The following RBM20 variants were observed in gnomAD, a reference collection of about 807,000 sequenced individuals.
RBM20 encodes the protein RNA-binding protein 20.
RBM20 carries 51 observed loss-of-function variants against 110.1 expected under a neutral mutation model. The ratio of observed to expected loss-of-function variants is 0.46; its 90% confidence interval spans 0.37 to 0.59. The LOEUF is 0.59. Ranked by LOEUF, RBM20 falls within the 20% of genes least tolerant of loss-of-function variation. RBM20 has a pLI of 0.00. For synonymous variants in RBM20, 589 were observed against 618.2 expected, an observed-to-expected ratio of 0.95 and a Z score of 0.70; for missense variants, 1,512 against 1,574.9, an observed-to-expected ratio of 0.96 and a Z score of 0.68.
chr10:110,789,663 G>A (rs11195321), intron 5 of RBM20, among the ~76,000 whole-genome samples: 10,698 of 152,082 alleles, frequency 0.07, 426 homozygotes, highest in Non-Finnish European at 0.089. Flanking sequence ...GCCCAGGCTC[G>A]CGTGTTTATA....
At chr10:110,765,519 C>T (rs146267867) in intron 1 of RBM20, among the ~76,000 whole-genome samples, 39 of 152,184 alleles carry the variant, frequency 2.6e-4, no homozygotes, top group Non-Finnish European at 4.9e-4. Flanking sequence ...TTTTCATTGT[C>T]GCCAAGCAAG....
intron 1 of RBM20, among the ~76,000 whole-genome samples, chr10:110,659,870 T>A (rs1395224603): frequency 6.6e-6 from 1 of 151,070 alleles, no homozygotes; most frequent in African/African-American, 2.4e-5. Flanking sequence ...TTTTTTTAAT[T>A]TTTTTTTTGA....
At chr10:110,786,000 G>A (rs1180228646) in intron 5 of RBM20, among the ~76,000 whole-genome samples, 2 of 152,138 alleles carry the variant, frequency 1.3e-5, no homozygotes, top group Admixed American at 1.3e-4. Context: ...TTTGTTTTTA[G>A]TTTTGCTGTC....
At chr10:110,793,725 CACT>C (rs1410359794) in intron 5 of RBM20, among the ~76,000 whole-genome samples, 1 of 152,242 alleles carries the variant, frequency 6.6e-6, no homozygotes, top group African/African-American at 2.4e-5. Context: ...TAGAAAAGTA[CACT>C]ACTTCAGGCT....
At chr10:110,691,179 T>G (rs1564816820) in intron 1 of RBM20, among the ~76,000 whole-genome samples, 1 of 152,096 alleles carries the variant, frequency 6.6e-6, no homozygotes. Flanking sequence ...TTAGAAGGAG[T>G]GCTTTCACCA....
intron 1 of RBM20, among the ~76,000 whole-genome samples, chr10:110,664,708 C>CTGCA (rs1282456761): frequency 2.6e-5 from 4 of 152,016 alleles, no homozygotes; most frequent in Non-Finnish European, 4.4e-5. Context: ...GATGGTGCCA[C>CTGCA]TGCACTTTAG....
intron 1 of RBM20, among the ~76,000 whole-genome samples, chr10:110,653,069 A>G (rs549680467): frequency 6.6e-6 from 1 of 152,314 alleles, no homozygotes; most frequent in East Asian, 1.9e-4. Context: ...CAGATCCTTA[A>G]TAGAGGAAAA....
intron 1 of RBM20, among the ~76,000 whole-genome samples, chr10:110,656,309 G>A (rs529977840): frequency 1.1e-4 from 16 of 149,110 alleles, no homozygotes; most frequent in South Asian, 4.3e-4. Flanking sequence ...ACTCCATCTC[G>A]AAAAAAAAAA....
chr10:110,645,025 G>A (rs574462886), intron 1 of RBM20, among the ~76,000 whole-genome samples: 2 of 152,104 alleles, frequency 1.3e-5, no homozygotes, highest in Non-Finnish European at 2.9e-5. Context: ...GCGCGTGAGG[G>A]TGTGTAAGTA....
rs1257262328 is a variant in RBM20 at position 110,812,438 on chromosome 10, T to C, written c.2041T>C (p.Tyr681His). 31 of 1,551,590 alleles carry C rather than the reference T, an allele frequency of 2.0e-5. No individual in the cohort carries two copies. The highest frequency in any genetic ancestry group is 2.6e-5 in the Non-Finnish European group (30 of 1,146,964). The change falls in exon 9 of 14, where the codon TAT (tyrosine) becomes CAT (histidine). Residue 681 changes from tyrosine to histidine, a missense_variant. Around this residue, in one of 3 missense-constraint regions of RBM20, gnomAD observed 1,149 missense variants for 1,169.4 expected, o/e 0.98. Coordinates refer to ENST00000369519, the MANE Select transcript of RBM20 (RefSeq NM_001134363.3). ...CCGGGACTCCTGGGAGCACTCTCCC[T>C]ATGCCAGGAGGGAGGAAGAGCGAGA... ...NGRDSWEHSPYARREEERDPA... is the reference protein window; with the variant it reads ...NGRDSWEHSPHARREEERDPA...
At chr10:110,802,388 T>TC in intron 7 of RBM20, among the ~76,000 whole-genome samples, 1 of 147,020 alleles carries the variant, frequency 6.8e-6, no homozygotes, top group South Asian at 2.1e-4. Flanking sequence ...CCTGGCTTTT[T>TC]TTTTTTTTTT....
intron 1 of RBM20, among the ~76,000 whole-genome samples, chr10:110,764,456 T>C (rs1844052749): frequency 6.6e-6 from 1 of 152,178 alleles, no homozygotes; most frequent in Non-Finnish European, 1.5e-5. Context: ...TGGGTGTTGA[T>C]ATGTGAAGAG....
At chr10:110,824,338 A>G (rs1055130444) in intron 12 of RBM20, among the ~76,000 whole-genome samples, 4 of 152,190 alleles carry the variant, frequency 2.6e-5, no homozygotes, top group East Asian at 1.9e-4. Context: ...TCCCAGAACA[A>G]TGCTACATAT....
At chr10:110,662,634 C>A (rs1002796741) in intron 1 of RBM20, among the ~76,000 whole-genome samples, 1 of 152,184 alleles carries the variant, frequency 6.6e-6, no homozygotes, top group Admixed American at 6.5e-5. Flanking sequence ...TGTGGGTTAC[C>A]TTTTGACCAA....
chr10:110,811,427 C>T (rs1303057406), intron 8 of RBM20, among the ~76,000 whole-genome samples: 1 of 152,164 alleles, frequency 6.6e-6, no homozygotes, highest in Admixed American at 6.5e-5. Flanking sequence ...CGTAACTGTT[C>T]AGGCTGGGAA....
At chr10:110,711,657 CTA>C (rs1319716588) in intron 1 of RBM20, among the ~76,000 whole-genome samples, 1 of 152,206 alleles carries the variant, frequency 6.6e-6, no homozygotes, top group Non-Finnish European at 1.5e-5. Flanking sequence ...CGAAGGCATT[CTA>C]TGTTTGTACT....
intron 1 of RBM20, among the ~76,000 whole-genome samples, chr10:110,656,423 C>T (rs1296556245): frequency 1.3e-5 from 2 of 151,992 alleles, no homozygotes; most frequent in African/African-American, 4.8e-5. Context: ...TCTTTGTTTG[C>T]GTTTCCTAGA....
chr10:110,774,802 A>G (rs995072052), intron 1 of RBM20, among the ~76,000 whole-genome samples: 1 of 152,084 alleles, frequency 6.6e-6, no homozygotes, highest in Non-Finnish European at 1.5e-5. Flanking sequence ...TTTAGCCCCA[A>G]TATGACTGTT....
chr10:110,778,854 C>T (rs1648150371), intron 1 of RBM20, among the ~76,000 whole-genome samples: 1 of 152,204 alleles, frequency 6.6e-6, no homozygotes, highest in African/African-American at 2.4e-5. Context: ...ATTTTTGGTC[C>T]AGAAACCACT....
Sources: gnomAD v4.1 joint callset for allele counts (sites outside exome capture counted in the v4.1 genomes callset) on GRCh38, gnomAD v4.1.1 for gene constraint, gnomAD v4.1.1 regional missense constraint, MANE v1.5 for transcripts, NCBI Gene and HGNC (gene_info 2026-07-23, HGNC 2026-07-21) for gene names.